Variants in FCHSD1 observed in about 807,000 individuals in gnomAD.
FCHSD1 encodes FCH and double SH3 domains 1, also known as F-BAR and double SH3 domains protein 1.
In FCHSD1, 109 loss-of-function variants were observed where a neutral mutation model predicts 101.3. The observed-to-expected ratio is 1.08, with a 90% CI of 0.92 to 1.26. The LOEUF is 1.26. FCHSD1 is among the 50% of genes most tolerant of loss of function. The probability of loss-of-function intolerance (pLI) is 0.00; values close to 1 mark genes in which losing one functional copy is unlikely to be tolerated. For missense variants in FCHSD1, 820 were observed against 895.8 expected, an observed-to-expected ratio of 0.92 and a Z score of 1.08; for synonymous variants, 291 against 356.8, an observed-to-expected ratio of 0.82 and a Z score of 2.08.
chr5:141,639,737 C>A lies in FCHSD1; in HGVS notation c.*1761G>T. ...TCCCAAAAGTGGGCCTTGGCTCTTT[C>A]CTCCTGGACTGGGAGCTCCGGCAGA... On this transcript the variant is annotated 3_prime_UTR_variant, in exon 20 of 20. Coordinates refer to ENST00000435817, the MANE Select transcript of FCHSD1 (RefSeq NM_033449.3). The surrounding 1 kb of genome is among the most constrained non-coding windows in gnomAD (Gnocchi z 4.4). The A allele has an allele frequency of 7.2e-7, 1 of 1,386,712 alleles. No homozygotes were observed. 85.9% of individuals were successfully genotyped at this position (1,386,712 alleles called of 1,614,324 possible).
chr5:141,643,766 T>G (rs372186496), intron 17 of FCHSD1, among the ~76,000 whole-genome samples: 14 of 151,732 alleles, frequency 9.2e-5, no homozygotes, highest in African/African-American at 3.4e-4. Context: ...GAGAATCGTT[T>G]GAACCCGGGA....
Position 141,649,363 on chromosome 5 carries a change from G to A in FCHSD1, c.375+32C>T. ...CTAGACCACCTTTGGTCCCAAGCCA[G>A]CTCTTCCTTCACCCCAACCTCTGAG... is the stretch of plus-strand genomic sequence containing the variant. On this transcript the variant is annotated intron_variant, in intron 5 of 19. Transcript: ENST00000435817. This position sits in a 1 kb window ranked among gnomAD's most constrained non-coding sequence, Gnocchi z 4.1. 1 of 1,613,836 alleles carries A rather than the reference G, an allele frequency of 6.2e-7. No homozygotes were observed. The highest frequency in any genetic ancestry group is 8.5e-7 in the Non-Finnish European group (1 of 1,179,756).
chr5:141,650,059 GTGCCACT>G, intron 3 of FCHSD1, 105 bp from the exon 4 acceptor site: 2 of 1,219,324 alleles, frequency 1.6e-6, no homozygotes, highest in Non-Finnish European at 1.1e-6. Context: ...GGTACATTAT[GTGCCACT>G]TGCTTTGCTA....
In FCHSD1 at chr5:141,645,058, C is replaced by T. The variant is rs1047556971; in HGVS notation, c.1402G>A (p.Ala468Thr). Residue 468 changes from alanine (A) to threonine (T), a missense_variant, in exon 14 of 20, where the codon GCC becomes ACC. Transcript: ENST00000435817. ...EPAPQALATR[A>T]LPCPAHVVFR... ...ACCACGTGTGCAGGGCAGGGGAGGG[C>T]CCTCGTGGCCAGGGCTTGGGGGGCA... is the stretch of plus-strand genomic sequence containing the variant. 1.3e-6 allele frequency: 2 copies of T among 1,597,300 alleles called. No homozygotes were observed. The highest frequency in any genetic ancestry group is 1.7e-6 in the Non-Finnish European group (2 of 1,169,640).
In FCHSD1 at chr5:141,639,715, C is replaced by A. The variant is rs1359147231; in HGVS notation, c.*1783G>T. ...GGCCCAGTGATCAGGCACCTGATCC[C>A]AAAAGTGGGCCTTGGCTCTTTCCTC... On this transcript the variant is annotated 3_prime_UTR_variant, in exon 20 of 20. Coordinates refer to ENST00000435817, the MANE Select transcript of FCHSD1 (RefSeq NM_033449.3). The surrounding 1 kb of genome is among the most constrained non-coding windows in gnomAD (Gnocchi z 4.4). 10 of 1,472,508 alleles carry A rather than the reference C, an allele frequency of 6.8e-6. No individual in the cohort carries two copies. Among genetic ancestry groups the A allele is most frequent in the Non-Finnish European group, 8.3e-6 (9 of 1,083,118 alleles). 91.2% of individuals were successfully genotyped at this position (1,472,508 alleles called of 1,614,324 possible). A position where few individuals can be genotyped will look rare whatever the true frequency, so the allele number is the denominator to read the frequency against.
At position 141,645,851 on chromosome 5, in the gene FCHSD1, T is replaced by C. The variant is rs1562388179; in HGVS notation, c.1231A>G (p.Met411Val). 2.5e-6 allele frequency: 4 copies of C among 1,604,260 alleles called. No homozygotes were observed. Among genetic ancestry groups the C allele is most frequent in the African/African-American group, 2.7e-5 (2 of 74,954 alleles). Residue 411 changes from methionine to valine, a missense_variant, in exon 13 of 20, where the codon ATG (methionine) becomes GTG (valine). Physicochemically the swap from Met to Val is conservative, Grantham distance 21. Transcript: ENST00000435817. ...TCCACCTCATCCTGGGCCTGGGTCA[T>C]GGCTGGCTTCAGCCAGCGCTCCACA... ...LDVERWLKPA[M>V]TQAQDEVEQE... is the part of the protein sequence containing the mutation.
chr5:141,640,280 C>G lies in FCHSD1; in HGVS notation c.*1218G>C. On this transcript the variant is annotated 3_prime_UTR_variant, in exon 20 of 20. Transcript: ENST00000435817. ...CAAATGGGCAGCCAAGCAAACCAGA[C>G]ACTTCTGATCACCAGGTAGGAAAAC... is the stretch of plus-strand genomic sequence containing the variant. The G allele has an allele frequency of 6.2e-7, 1 of 1,613,820 alleles. No individual in the cohort carries two copies. Among genetic ancestry groups the G allele is most frequent in the Non-Finnish European group, 8.5e-7 (1 of 1,179,828 alleles).
chr5:141,649,999 C>A lies in FCHSD1; in HGVS notation c.166-45G>T. On this transcript the variant is annotated intron_variant, in intron 3 of 19. Transcript: ENST00000435817. This position sits in a 1 kb window ranked among gnomAD's most constrained non-coding sequence, Gnocchi z 4.1. Reference sequence around the variant, plus strand: ...AGAACCAAGTTCCCTTTCAAAGACCCACCCCAACTGGCAGAATATGACATC... The same window carrying A: ...AGAACCAAGTTCCCTTTCAAAGACCAACCCCAACTGGCAGAATATGACATC... The A allele has an allele frequency of 6.6e-7, 1 of 1,506,282 alleles. No individual in the cohort carries two copies. 93.3% of individuals were successfully genotyped at this position (1,506,282 alleles called of 1,614,324 possible).
intron 18 of FCHSD1, chr5:141,642,064 G>A (rs905554218): frequency 1.7e-5 from 9 of 525,530 alleles, no homozygotes; most frequent in Non-Finnish European, 2.4e-5. Flanking sequence ...GTCATGCAAA[G>A]TGAACTTGGG....
Position 141,645,942 on chromosome 5 carries a change from G to A in FCHSD1, c.1150-10C>T. ...CCTTCACCTGGCTCACCTGCCATGG[G>A]GAGGAAGTAAGTTAGTGGAACCTGG... is the stretch of plus-strand genomic sequence containing the variant. On this transcript the variant is annotated splice_polypyrimidine_tract_variant and intron_variant, in intron 12 of 19. Transcript: ENST00000435817. The A allele has an allele frequency of 6.4e-7, 1 of 1,559,246 alleles. No individual in the cohort carries two copies. Among genetic ancestry groups the A allele is most frequent in the East Asian group, 2.4e-5 (1 of 41,740 alleles).
At chr5:141,643,848 C>CAAA (rs56206715) in intron 17 of FCHSD1, among the ~76,000 whole-genome samples, 3 of 125,060 alleles carry the variant, frequency 2.4e-5, no homozygotes, top group Non-Finnish European at 3.4e-5. Flanking sequence ...AACTCTGTCT[C>CAAA]AAAAAAAAAA....
chr5:141,650,631 T>A (rs2099908263), intron 2 of FCHSD1, among the ~76,000 whole-genome samples: 1 of 151,748 alleles, frequency 6.6e-6, no homozygotes, highest in South Asian at 2.1e-4. Context: ...CCCAGCAGGA[T>A]CCTCCCCACC....
In FCHSD1 at chr5:141,644,871, G is replaced by C. The variant is rs372761136; in HGVS notation, c.1512C>G (p.Asp504Glu). Residue 504 changes from aspartate (D) to glutamate (E), a missense_variant, in exon 15 of 20, where the codon GAC (aspartate) becomes GAG (glutamate). By Grantham distance (45) the Asp-to-Glu change is conservative. Coordinates refer to ENST00000435817, the MANE Select transcript of FCHSD1 (RefSeq NM_033449.3). ...WLEVIEEGDA[D>E]EWVKARNQHG... is the part of the protein sequence containing the mutation. ...GTCCCATACCCACCTTGACCCATTC[G>C]TCAGCATCTCCCTCCTCTATGACCT... 258 of 1,613,528 alleles carry C rather than the reference G, an allele frequency of 1.6e-4. No individual in the cohort carries two copies. Among genetic ancestry groups the C allele is most frequent in the Middle Eastern group, 1.7e-4 (1 of 6,058 alleles).
At position 141,643,391 on chromosome 5, in the gene FCHSD1, C is replaced by T. The variant is rs1322615019; in HGVS notation, c.1864-303G>A. Among the ~76,000 whole-genome samples the T allele has an allele frequency of 8.5e-5, 13 of 152,242 alleles. No homozygotes were observed. The East Asian group carries it at 2.1e-3, about 25-fold the overall frequency. Reference sequence around the variant, plus strand: ...ATGACTCCTATGTTAGAAGTGAGACCCAGGTTAAGCCAGCTGTCCAAAATC... The same window carrying T: ...ATGACTCCTATGTTAGAAGTGAGACTCAGGTTAAGCCAGCTGTCCAAAATC... On this transcript the variant is annotated intron_variant, in intron 17 of 19. Coordinates refer to ENST00000435817, the MANE Select transcript of FCHSD1 (RefSeq NM_033449.3).
Position 141,644,349 on chromosome 5 carries a change from G to C in FCHSD1, c.1732C>G (p.Arg578Gly), listed in dbSNP as rs766658544. 3 of 1,613,936 alleles carry C rather than the reference G, an allele frequency of 1.9e-6. No homozygotes were observed. The highest frequency in any genetic ancestry group is 8.5e-7 in the Non-Finnish European group (1 of 1,179,862). ...PEGALIRLLP[R>G]AQDGVDDGFW... is the part of the protein sequence containing the mutation. Reference sequence around the variant, plus strand: ...CCGTCATCTACTCCATCTTGGGCCCGGGGCAGCAGACGGATGAGTGCCCCC... The same window carrying C: ...CCGTCATCTACTCCATCTTGGGCCCCGGGCAGCAGACGGATGAGTGCCCCC... Residue 578 changes from arginine to glycine, a missense_variant, in exon 17 of 20, where the codon CGG becomes GGG. Physicochemically the swap from Arg to Gly is moderately radical, Grantham distance 125 (BLOSUM62 -2). Transcript: ENST00000435817.
Position 141,640,524 on chromosome 5 carries a change from T to C in FCHSD1, c.*974A>G. 6.2e-7 allele frequency: 1 copy of C among 1,608,162 alleles called. No homozygotes were observed. Among genetic ancestry groups the C allele is most frequent in the South Asian group, 1.1e-5 (1 of 90,304 alleles). ...AAACTATTTAAGCCTTTCGGCTCCC[T>C]GAACCCCCCGAGTAAACTGCAGGCT... On this transcript the variant is annotated 3_prime_UTR_variant, in exon 20 of 20. Coordinates refer to ENST00000435817, the MANE Select transcript of FCHSD1 (RefSeq NM_033449.3).
chr5:141,649,442 G>T lies in FCHSD1; in HGVS notation c.328C>A (p.Leu110Ile). ...RLQASDRYRD[L>I]AGGTGRSAKE... ...GCGCTCCGCCCTGTACCCCCTGCTA[G>T]GTCACGGTATCGGTCAGACGCCTGG... is the stretch of plus-strand genomic sequence containing the variant. The change falls in exon 5 of 20, where the codon CTA becomes ATA. Residue 110 changes from leucine (L) to isoleucine (I), a missense_variant. Leu to Ile is a conservative substitution (Grantham distance 5). Transcript: ENST00000435817. This position sits in a 1 kb window ranked among gnomAD's most constrained non-coding sequence, Gnocchi z 4.1. 1 of 1,614,034 alleles carries T rather than the reference G, an allele frequency of 6.2e-7. No individual in the cohort carries two copies. The highest frequency in any genetic ancestry group is 1.1e-5 in the South Asian group (1 of 91,090).
chr5:141,650,613 C>T (rs552339218), intron 2 of FCHSD1, among the ~76,000 whole-genome samples: 8 of 152,158 alleles, frequency 5.3e-5, no homozygotes, highest in Admixed American at 3.9e-4. Context: ...CACCTTACTG[C>T]CCCGGGCCCC....
chr5:141,648,457 G>T lies in FCHSD1; in HGVS notation c.577-361C>A, dbSNP rs113911888. On this transcript the variant is annotated intron_variant, in intron 7 of 19. Transcript: ENST00000435817. ...AAGTTATTCCCACCTCAGACCCTTT[G>T]CACTCACCATTTCTTCTCTCTGCAA... is the stretch of plus-strand genomic sequence containing the variant. Among the ~76,000 whole-genome samples the T allele has an allele frequency of 9.7e-3, 1,483 of 152,192 alleles. 13 individuals carry two copies. The highest frequency in any genetic ancestry group is 0.024 in the Middle Eastern group (7 of 294).
Sources: gnomAD v4.1 joint callset for allele counts (sites outside exome capture counted in the v4.1 genomes callset) on GRCh38, gnomAD v4.1.1 for gene constraint, Gnocchi (gnomAD v3.1) non-coding constraint, MANE v1.5 for transcripts, NCBI Gene and HGNC (gene_info 2026-07-23, HGNC 2026-07-21) for gene names.